Variants in PDE3A observed in about 807,000 individuals in gnomAD.
PDE3A encodes the protein phosphodiesterase 3A.
A neutral mutation model predicts 98.3 loss-of-function variants in PDE3A; 43 were observed. The observed-to-expected ratio is 0.44, with a 90% CI of 0.34 to 0.56. The LOEUF (loss-of-function observed/expected upper bound fraction) is 0.56, where lower values mean the gene tolerates loss of function less well. PDE3A is among the 20% of genes least tolerant of loss of function. The pLI, the probability that PDE3A is intolerant of heterozygous loss-of-function variation, is 0.01. For synonymous variants in PDE3A, 663 were observed against 567.9 expected (o/e 1.17, Z -2.38); for missense variants, 1,427 against 1,440.7 (o/e 0.99, Z 0.15).
chr12:20,386,070 A>AAATATATATATAAAATATATAT (rs1565532446), intron 1 of PDE3A, among the ~76,000 whole-genome samples: 6 of 37,144 alleles, frequency 1.6e-4, no homozygotes, highest in Non-Finnish European at 2.8e-4. Context: ...AAATATATAT[A>AAATATATATATAAAATATATAT]AAATATATAT....
At chr12:20,565,131 T>A (rs1290368777) in intron 2 of PDE3A, among the ~76,000 whole-genome samples, 1 of 152,148 alleles carries the variant, frequency 6.6e-6, no homozygotes, top group Non-Finnish European at 1.5e-5. Context: ...AGATAGCTTA[T>A]AGTACACATT....
intron 1 of PDE3A, among the ~76,000 whole-genome samples, chr12:20,508,212 T>C (rs1292993349): frequency 1.3e-5 from 2 of 152,046 alleles, no homozygotes; most frequent in South Asian, 2.1e-4. Flanking sequence ...CCTCTCTGCC[T>C]GTGTCTTCAA....
intron 2 of PDE3A, among the ~76,000 whole-genome samples, chr12:20,563,211 G>A (rs2121290948): frequency 6.6e-6 from 1 of 152,256 alleles, no homozygotes; most frequent in African/African-American, 2.4e-5. Flanking sequence ...CTAATCATTT[G>A]CCTACTAATG....
intron 1 of PDE3A, chr12:20,449,598 G>A (rs538267946): frequency 1.4e-5 from 5 of 357,776 alleles, no homozygotes; most frequent in South Asian, 8.9e-5. Context: ...ACTGCACGGG[G>A]TCTCTGCTCA....
intron 6 of PDE3A, among the ~76,000 whole-genome samples, chr12:20,630,829 A>AT (rs1421083494): frequency 6.6e-6 from 1 of 152,154 alleles, no homozygotes; most frequent in Admixed American, 6.6e-5. Context: ...GCATTATGGT[A>AT]TTTTTTAAGT....
At chr12:20,480,048 G>A (rs1002161844) in intron 1 of PDE3A, among the ~76,000 whole-genome samples, 1 of 152,142 alleles carries the variant, frequency 6.6e-6, no homozygotes, top group Non-Finnish European at 1.5e-5. Flanking sequence ...TTTTGCCTAT[G>A]GGGCCAGCAG....
At chr12:20,431,175 G>T (rs1319191608) in intron 1 of PDE3A, among the ~76,000 whole-genome samples, 1 of 152,092 alleles carries the variant, frequency 6.6e-6, no homozygotes, top group Non-Finnish European at 1.5e-5. Context: ...GTCTGAAACA[G>T]GTTGATTATC....
chr12:20,558,409 T>C (rs954603272), intron 2 of PDE3A, among the ~76,000 whole-genome samples: 1 of 152,028 alleles, frequency 6.6e-6, no homozygotes, highest in Admixed American at 6.6e-5. Context: ...TAAAATCGGC[T>C]TGCATGAATT....
intron 1 of PDE3A, among the ~76,000 whole-genome samples, chr12:20,519,416 TTAAG>T (rs2121144687): frequency 6.6e-6 from 1 of 152,164 alleles, no homozygotes; most frequent in East Asian, 1.9e-4. Flanking sequence ...CAAATCTTTG[TTAAG>T]TAAGGAATAT....
intron 1 of PDE3A, among the ~76,000 whole-genome samples, chr12:20,396,508 A>G (rs1027561147): frequency 1.4e-4 from 22 of 152,182 alleles, no homozygotes; most frequent in African/African-American, 4.1e-4. Context: ...AAAAACTTCA[A>G]TAGAAATATA....
Position 20,369,437 on chromosome 12 carries a change from G to A in PDE3A, c.153G>A (p.Val51=), listed in dbSNP as rs771506920. The change falls in exon 1 of 16, where the codon GTG becomes GTA. Residue 51 remains valine (V), a synonymous_variant. Transcript: ENST00000359062. ...GCCGTGGCTGCTGGGGAGACCTGGTGCTGCAGCCGCTCCGGAGCTCTCGGA... is the reference window on the plus strand; with the variant it reads ...GCCGTGGCTGCTGGGGAGACCTGGTACTGCAGCCGCTCCGGAGCTCTCGGA... The part of the protein sequence containing the change: ...SGCRGCWGDL[V]LQPLRSSRKL... 2.6e-6 allele frequency: 4 copies of A among 1,555,290 alleles called. No homozygotes were observed. The highest frequency in any genetic ancestry group is 2.6e-6 in the Non-Finnish European group (3 of 1,150,494).
At chr12:20,445,360 G>C (rs1454713366) in intron 1 of PDE3A, among the ~76,000 whole-genome samples, 3 of 152,074 alleles carry the variant, frequency 2.0e-5, no homozygotes. Flanking sequence ...GTATAAATCT[G>C]TGTAAATCTC....
At position 20,634,802 on chromosome 12, in the gene PDE3A, A is replaced by G; in HGVS notation, c.1847-100A>G. 3.8e-6 allele frequency: 3 copies of G among 790,392 alleles called. No homozygotes were observed. In the South Asian group the frequency reaches 4.3e-5, roughly 11 times the overall value. The allele number at this position is 790,392 out of a possible 1,614,324, so 49.0% of individuals were successfully genotyped here. A position where few individuals can be genotyped will look rare whatever the true frequency, so the allele number is the denominator to read the frequency against. On this transcript the variant is annotated intron_variant, in intron 7 of 15. Coordinates refer to ENST00000359062, the MANE Select transcript of PDE3A (RefSeq NM_000921.5). ...GTGCTCAGGAAAGCAGTATTTCCCT[A>G]AACACTATATTTACCATATGCATCT...
chr12:20,591,354 CAATT>C (rs928707308), intron 2 of PDE3A, among the ~76,000 whole-genome samples: 1 of 152,166 alleles, frequency 6.6e-6, no homozygotes, highest in Non-Finnish European at 1.5e-5. Flanking sequence ...AGTGAATAAT[CAATT>C]GTCAGGCTAC....
chr12:20,452,958 C>A (rs1945093294), intron 1 of PDE3A, among the ~76,000 whole-genome samples: 1 of 152,214 alleles, frequency 6.6e-6, no homozygotes, highest in African/African-American at 2.4e-5. Context: ...TCTTGCAGTA[C>A]TTCCTCAATG....
At chr12:20,450,110 C>G (rs188858811) in intron 1 of PDE3A, 2 of 479,632 alleles carry the variant, frequency 4.2e-6, no homozygotes, top group African/African-American at 2.0e-5. Context: ...TGATGCTGCT[C>G]CTTTCCCAGA....
At chr12:20,629,576 T>C (rs1321273180) in intron 5 of PDE3A, among the ~76,000 whole-genome samples, 1 of 152,202 alleles carries the variant, frequency 6.6e-6, no homozygotes, top group East Asian at 1.9e-4. Flanking sequence ...TTTTAACTAT[T>C]ATTTCCATGT....
chr12:20,495,690 C>A (rs576979391), intron 1 of PDE3A, among the ~76,000 whole-genome samples: 2 of 152,246 alleles, frequency 1.3e-5, no homozygotes, highest in Non-Finnish European at 2.9e-5. Flanking sequence ...TAAAACACTT[C>A]AAGTTGCAGA....
rs778424892 is a variant in PDE3A, at chr12:20,621,390, G to A, written c.1519G>A (p.Ala507Thr). ...YAISAANHVK[A>T]KKQSRPGALA... ...TATTTCTGCAGCTAACCATGTAAAGGCTAAAAAGCAAAGTCGACCAGGTAA... is the reference window on the plus strand; with the variant it reads ...TATTTCTGCAGCTAACCATGTAAAGACTAAAAAGCAAAGTCGACCAGGTAA... Residue 507 changes from alanine (A) to threonine (T), a missense_variant, in exon 5 of 16, where the codon GCT becomes ACT. Physicochemically the swap from Ala to Thr is moderately conservative, Grantham distance 58 (BLOSUM62 0). Around this residue, in one of 3 missense-constraint regions of PDE3A, gnomAD observed 1,012 missense variants for 886.5 expected, o/e 1.14. Coordinates refer to ENST00000359062, the MANE Select transcript of PDE3A (RefSeq NM_000921.5). 6.2e-7 allele frequency: 1 copy of A among 1,607,820 alleles called. No homozygotes were observed. Among genetic ancestry groups the A allele is most frequent in the Non-Finnish European group, 8.5e-7 (1 of 1,174,564 alleles).
Sources: allele counts gnomAD v4.1 joint callset (sites outside exome capture counted in the v4.1 genomes callset), GRCh38; gene constraint gnomAD v4.1.1; regional missense constraint gnomAD v4.1.1; transcripts MANE v1.5; gene names NCBI Gene and HGNC (gene_info 2026-07-23, HGNC 2026-07-21).